CDH8: variants seen among roughly 807,000 people sequenced by gnomAD.
The protein encoded by CDH8 is cadherin-8.
In CDH8, 17 loss-of-function variants were observed where a neutral mutation model predicts 68.1. The ratio of observed to expected loss-of-function variants is 0.25; its 90% CI spans 0.17 to 0.37. The LOEUF (loss-of-function observed/expected upper bound fraction) is 0.37, where lower values mean the gene tolerates loss of function less well. CDH8 is among the 10% of genes least tolerant of loss of function. CDH8 has a pLI of 1.00. For synonymous variants in CDH8, 372 were observed against 365.1 expected (o/e 1.02, Z -0.21); for missense variants, 763 against 999.3 (o/e 0.76, Z 3.19).
At chr16:61,999,697 G>A (rs12923121) in intron 2 of CDH8, among the ~76,000 whole-genome samples, 206 of 151,914 alleles carry the variant, frequency 1.4e-3, no homozygotes, top group African/African-American at 4.9e-3. Context: ...CATGCATATC[G>A]CTTTCCGTGT....
rs1272033174 is a variant in CDH8, at chr16:61,647,345, A to G, written c.*6263T>C. 2 of 150,222 alleles carry G rather than the reference A, an allele frequency of 1.3e-5. No homozygotes were observed. Among genetic ancestry groups the G allele is most frequent in the Admixed American group, 6.7e-5 (1 of 14,986 alleles). The allele number at this position is 150,222 out of a possible 1,614,324, so 9.3% of individuals were successfully genotyped here. On this transcript the variant is annotated 3_prime_UTR_variant, in exon 12 of 12. Coordinates refer to ENST00000577390, the MANE Select transcript of CDH8 (RefSeq NM_001796.5). ...CTCTAACATTGAGCCAAAAACATCCATTCACATACTCAACAATCAGACTTG... is the reference window on the plus strand; with the variant it reads ...CTCTAACATTGAGCCAAAAACATCCGTTCACATACTCAACAATCAGACTTG...
chr16:62,018,435 T>G (rs1427409745), intron 2 of CDH8, among the ~76,000 whole-genome samples: 1 of 152,218 alleles, frequency 6.6e-6, no homozygotes. Context: ...GGGGAGAAGC[T>G]GGGAGGTGAA....
At chr16:61,760,720 TTGAC>T (rs1960443535) in intron 8 of CDH8, among the ~76,000 whole-genome samples, 1 of 152,156 alleles carries the variant, frequency 6.6e-6, no homozygotes, top group African/African-American at 2.4e-5. Context: ...GCAGATAATA[TTGAC>T]TATTTGTCAT....
chr16:61,658,241 A>G (rs1430097980), intron 10 of CDH8, among the ~76,000 whole-genome samples: 1 of 152,054 alleles, frequency 6.6e-6, no homozygotes, highest in Non-Finnish European at 1.5e-5. Flanking sequence ...TGTTCTTGGA[A>G]TAATTTTTTA....
At chr16:61,991,466 A>G (rs1965720180) in intron 2 of CDH8, among the ~76,000 whole-genome samples, 2 of 152,234 alleles carry the variant, frequency 1.3e-5, no homozygotes, top group African/African-American at 4.8e-5. Flanking sequence ...TAACATGACT[A>G]AATTTCTGTA....
At chr16:61,741,360 T>C (rs1445459289) in intron 8 of CDH8, among the ~76,000 whole-genome samples, 1 of 152,186 alleles carries the variant, frequency 6.6e-6, no homozygotes, top group East Asian at 1.9e-4. Flanking sequence ...CTTAGTAGTA[T>C]CATTTGATGA....
At chr16:61,827,060 G>C (rs1308682304) in intron 4 of CDH8, among the ~76,000 whole-genome samples, 1 of 151,792 alleles carries the variant, frequency 6.6e-6, no homozygotes, top group Admixed American at 6.6e-5. Context: ...AGGCATGTTT[G>C]AGAAGAAAAC....
At chr16:61,740,298 A>T (rs1457365643) in intron 8 of CDH8, among the ~76,000 whole-genome samples, 2 of 152,120 alleles carry the variant, frequency 1.3e-5, no homozygotes, top group Non-Finnish European at 2.9e-5. Context: ...TTTCATTAAC[A>T]TGGAATTTTT....
intron 9 of CDH8, among the ~76,000 whole-genome samples, chr16:61,715,902 G>A (rs763353451): frequency 1.3e-5 from 2 of 151,638 alleles, no homozygotes; most frequent in South Asian, 2.1e-4. Context: ...GGATTTTCAT[G>A]TTAAAAAGTC....
chr16:61,655,449 G>C (rs141172673), intron 11 of CDH8, 21 bp downstream of exon 11: 6 of 1,613,182 alleles, frequency 3.7e-6, no homozygotes, highest in Non-Finnish European at 5.1e-6. Context: ...GTGACCGGTA[G>C]GCTATGAAGG....
intron 2 of CDH8, among the ~76,000 whole-genome samples, chr16:61,921,792 G>T (rs990429941): frequency 2.6e-5 from 4 of 152,212 alleles, no homozygotes; most frequent in African/African-American, 9.6e-5. Flanking sequence ...AGCACTTTGG[G>T]AGGCTGAGGC....
intron 3 of CDH8, among the ~76,000 whole-genome samples, chr16:61,894,719 G>T (rs1963840558): frequency 6.6e-6 from 1 of 152,084 alleles, no homozygotes; most frequent in Admixed American, 6.6e-5. Flanking sequence ...TACACAAGGA[G>T]AAAGACTGAA....
rs1440833520 is a variant in CDH8 at position 61,727,231 on chromosome 16, A to T, written c.1415-16T>A. ...CTGTGGTTCCCTATGGGAAGGAAAA[A>T]ATAACATCAGCATTGAGGGTATTTC... On this transcript the variant is annotated splice_polypyrimidine_tract_variant and intron_variant, in intron 8 of 11. Coordinates refer to ENST00000577390, the MANE Select transcript of CDH8 (RefSeq NM_001796.5). 4 of 1,596,110 alleles carry T rather than the reference A, an allele frequency of 2.5e-6. No individual in the cohort carries two copies. The highest frequency in any genetic ancestry group is 3.4e-6 in the Non-Finnish European group (4 of 1,168,832).
At chr16:61,745,991 C>T (rs1440951618) in intron 8 of CDH8, among the ~76,000 whole-genome samples, 2 of 152,100 alleles carry the variant, frequency 1.3e-5, no homozygotes, top group East Asian at 3.9e-4. Context: ...CAATTTGATA[C>T]CACTAAGACC....
intron 7 of CDH8, among the ~76,000 whole-genome samples, chr16:61,814,750 C>G (rs183284277): frequency 6.6e-6 from 1 of 152,122 alleles, no homozygotes; most frequent in African/African-American, 2.4e-5. Flanking sequence ...GGTTAAATGG[C>G]TCTAAATCTG....
chr16:61,720,868 C>A (rs1032961113), intron 9 of CDH8, among the ~76,000 whole-genome samples: 34 of 150,856 alleles, frequency 2.3e-4, no homozygotes, highest in African/African-American at 8.0e-4. Context: ...TAAAACCCAA[C>A]AAATATAATA....
chr16:61,825,560 CAGG>C (rs944003312), intron 4 of CDH8, among the ~76,000 whole-genome samples: 2 of 151,784 alleles, frequency 1.3e-5, no homozygotes, highest in African/African-American at 2.4e-5. Flanking sequence ...AATTCCCCCA[CAGG>C]AGGAGTAAAT....
chr16:61,698,355 T>C (rs776588409), intron 10 of CDH8, among the ~76,000 whole-genome samples: 2 of 152,170 alleles, frequency 1.3e-5, no homozygotes, highest in African/African-American at 4.8e-5. Flanking sequence ...CTGTGGGAAA[T>C]GGTTTCTTCG....
At chr16:61,736,680 T>G (rs1027225472) in intron 8 of CDH8, among the ~76,000 whole-genome samples, 1 of 152,168 alleles carries the variant, frequency 6.6e-6, no homozygotes, top group Non-Finnish European at 1.5e-5. Flanking sequence ...AACATAAGTG[T>G]CATATTTAAA....
Sources: allele counts gnomAD v4.1 joint callset (sites outside exome capture counted in the v4.1 genomes callset), GRCh38; gene constraint gnomAD v4.1.1; transcripts MANE v1.5; gene names NCBI Gene and HGNC (gene_info 2026-07-23, HGNC 2026-07-21).